The following CD226 variants were observed in gnomAD, a reference collection of about 807,000 sequenced individuals.
The protein encoded by CD226 is CD226 molecule.
In CD226, 24 loss-of-function variants were observed where a neutral mutation model predicts 34.9. The ratio of observed to expected loss-of-function variants is 0.69; its 90% CI spans 0.50 to 0.97. The LOEUF is 0.97. CD226 is among the 50% of genes least tolerant of loss of function. CD226 has a pLI of 0.00. For missense variants in CD226, 397 were observed against 412.7 expected, an observed-to-expected ratio of 0.96 and a Z score of 0.33; for synonymous variants, 148 against 147.4, an observed-to-expected ratio of 1.00 and a Z score of -0.03.
upstream of CD226, among the ~76,000 whole-genome samples, chr18:69,950,165 CAA>C (rs2055838720): frequency 4.4e-5 from 1 of 22,710 alleles, no homozygotes; most frequent in African/African-American, 4.6e-5. Context: ...CACGTACTCT[CAA>C]ACACACTCGT....
At chr18:69,872,566 A>G (rs933319222) in intron 4 of CD226, among the ~76,000 whole-genome samples, 1 of 152,198 alleles carries the variant, frequency 6.6e-6, no homozygotes, top group Non-Finnish European at 1.5e-5. Context: ...AAGATTAAAA[A>G]AAATTTAGTA....
intron 3 of CD226, among the ~76,000 whole-genome samples, chr18:69,894,993 G>A (rs1985183473): frequency 6.6e-6 from 1 of 152,146 alleles, no homozygotes; most frequent in East Asian, 1.9e-4. Context: ...CTTGGAGGAG[G>A]TGGAAGCCCC....
intron 2 of CD226, among the ~76,000 whole-genome samples, chr18:69,925,144 C>T (rs1389218515): frequency 6.6e-6 from 1 of 152,196 alleles, no homozygotes; most frequent in Admixed American, 6.5e-5. Context: ...AAATGCACTT[C>T]CGATATTTGC....
At chr18:69,910,136 ATGT>A (rs1452945468) in intron 2 of CD226, among the ~76,000 whole-genome samples, 1 of 152,164 alleles carries the variant, frequency 6.6e-6, no homozygotes, top group Non-Finnish European at 1.5e-5. Context: ...ATTTCTGTAA[ATGT>A]TGTTTTGATA....
intron 3 of CD226, among the ~76,000 whole-genome samples, chr18:69,875,871 A>G (rs1183302902): frequency 6.6e-6 from 1 of 152,246 alleles, no homozygotes; most frequent in Non-Finnish European, 1.5e-5. Flanking sequence ...TCAAACTTAT[A>G]GAAGCAGGGA....
At chr18:69,897,469 G>C (rs1985363278) in intron 2 of CD226, among the ~76,000 whole-genome samples, 1 of 152,190 alleles carries the variant, frequency 6.6e-6, no homozygotes, top group Admixed American at 6.5e-5. Flanking sequence ...TATTTCAGTA[G>C]AGTGAGGCCT....
intron 2 of CD226, among the ~76,000 whole-genome samples, chr18:69,923,197 A>G (rs2145313901): frequency 6.6e-6 from 1 of 151,684 alleles, no homozygotes; most frequent in East Asian, 1.9e-4. Context: ...AAAGGAAGGA[A>G]GGAAGGAAGG....
chr18:69,889,073 G>C (rs2145225774), intron 3 of CD226, among the ~76,000 whole-genome samples: 1 of 151,932 alleles, frequency 6.6e-6, no homozygotes, highest in African/African-American at 2.4e-5. Flanking sequence ...TCTGGGCAGA[G>C]GCAACAGTAA....
intron 2 of CD226, among the ~76,000 whole-genome samples, chr18:69,900,536 T>A (rs1468859450): frequency 1.3e-5 from 2 of 151,524 alleles, no homozygotes; most frequent in Admixed American, 6.6e-5. Context: ...ATCGAGACCA[T>A]CCTGGCTAAC....
At chr18:69,915,018 G>A (rs1811254358) in intron 2 of CD226, among the ~76,000 whole-genome samples, 1 of 152,182 alleles carries the variant, frequency 6.6e-6, no homozygotes, top group East Asian at 1.9e-4. Context: ...GATTGACAAT[G>A]CCATTCAGGG....
chr18:69,949,123 A>G (rs1297677540), upstream of CD226, among the ~76,000 whole-genome samples: 1 of 152,150 alleles, frequency 6.6e-6, no homozygotes, highest in East Asian at 1.9e-4. Context: ...GACCTGAGTG[A>G]CACACATAAA....
Position 69,855,965 on chromosome 18 carries a change from C to A in CD226, c.*8349G>T, listed in dbSNP as rs949157498. The A allele has an allele frequency of 4.6e-5, 7 of 151,966 alleles. No homozygotes were observed. Among genetic ancestry groups the A allele is most frequent in the Non-Finnish European group, 1.0e-4 (7 of 67,974 alleles). The allele number at this position is 151,966 out of a possible 1,614,324, so 9.4% of individuals were successfully genotyped here. ...TACAGGTATCAAAACATCACATGTA[C>A]CCCCCAAATATATACAACTCCTATA... On this transcript the variant is annotated 3_prime_UTR_variant, in exon 6 of 6. Coordinates refer to ENST00000582621, the MANE Select transcript of CD226 (RefSeq NM_001303618.2).
chr18:69,923,318 G>A (rs1044128032), intron 2 of CD226, among the ~76,000 whole-genome samples: 13 of 152,140 alleles, frequency 8.5e-5, no homozygotes, highest in African/African-American at 3.1e-4. Flanking sequence ...GGCAAGTGTC[G>A]TGTTGCAGGA....
At chr18:69,882,282 C>T (rs559997299) in intron 3 of CD226, among the ~76,000 whole-genome samples, 2 of 152,304 alleles carry the variant, frequency 1.3e-5, no homozygotes, top group South Asian at 2.1e-4. Flanking sequence ...GTTGAAAATA[C>T]TTGTCCCAAA....
upstream of CD226, among the ~76,000 whole-genome samples, chr18:69,950,512 T>A (rs111510426): frequency 1.3e-5 from 2 of 152,060 alleles, no homozygotes; most frequent in African/African-American, 4.8e-5. Flanking sequence ...AGAGGCTGTG[T>A]CAGGTTGGTG....
At chr18:69,899,723 A>G (rs542692048) in intron 2 of CD226, among the ~76,000 whole-genome samples, 1 of 142,060 alleles carries the variant, frequency 7.0e-6, no homozygotes, top group South Asian at 2.1e-4. Flanking sequence ...CAAAATGACA[A>G]TGAGACACCA....
At chr18:69,927,357 A>G (rs2145323643) in intron 2 of CD226, among the ~76,000 whole-genome samples, 1 of 117,112 alleles carries the variant, frequency 8.5e-6, no homozygotes, top group Non-Finnish European at 1.8e-5. Flanking sequence ...GAACAGACTA[A>G]GACACTACAC....
intron 2 of CD226, among the ~76,000 whole-genome samples, chr18:69,913,440 A>G (rs2055350211): frequency 6.6e-6 from 1 of 152,216 alleles, no homozygotes; most frequent in South Asian, 2.1e-4. Flanking sequence ...TCATAATTAG[A>G]AAACAAAATA....
chr18:69,923,046 T>C (rs888922067), intron 2 of CD226, among the ~76,000 whole-genome samples: 1 of 151,912 alleles, frequency 6.6e-6, no homozygotes, highest in Admixed American at 6.6e-5. Flanking sequence ...GGCAGGAGAA[T>C]GGCTTGAACC....
Sources: gnomAD v4.1 joint callset for allele counts (sites outside exome capture counted in the v4.1 genomes callset) on GRCh38, gnomAD v4.1.1 for gene constraint, MANE v1.5 for transcripts, NCBI Gene and HGNC (gene_info 2026-07-23, HGNC 2026-07-21) for gene names.